Variants in GSTA2 observed in about 807,000 individuals in gnomAD.
GSTA2 encodes glutathione S-transferase A2.
In GSTA2, 27 loss-of-function variants were observed where a neutral mutation model predicts 22.4. The ratio of observed to expected loss-of-function variants is 1.21; its 90% CI spans 0.89 to 1.67. The LOEUF is 1.67. GSTA2 is among the 40% of genes most tolerant of loss of function. The pLI is 0.00. For missense variants in GSTA2, 302 were observed against 260.2 expected (o/e 1.16, Z -1.11); for synonymous variants, 121 against 86.8 (o/e 1.39, Z -2.19).
In GSTA2 at chr6:52,761,657, G is replaced by A. The variant is rs113606716; in HGVS notation, c.-31+1787C>T. ...GAATGTCCAAGCAGTGGGGCACATC[G>A]GTAACACAGCCTTGCTTAGCCCCAT... is the stretch of plus-strand genomic sequence containing the variant. On this transcript the variant is annotated intron_variant, in intron 1 of 6. Coordinates refer to ENST00000493422, the MANE Select transcript of GSTA2 (RefSeq NM_000846.5). 7.9e-3 allele frequency among the ~76,000 whole-genome samples: 1,182 copies of A among 150,544 alleles called. 26 individuals carry two copies. Among genetic ancestry groups the A allele is most frequent in the African/African-American group, 0.026 (1,095 of 41,466 alleles).
chr6:52,760,112 C>T (rs947664111), intron 1 of GSTA2, among the ~76,000 whole-genome samples: 6 of 152,070 alleles, frequency 3.9e-5, no homozygotes, highest in Admixed American at 2.6e-4. Context: ...ATGGAAATAG[C>T]ATAATTCGAC....
At chr6:52,752,532 A>G (rs1396489614) in intron 5 of GSTA2, among the ~76,000 whole-genome samples, 1 of 152,202 alleles carries the variant, frequency 6.6e-6, no homozygotes, top group Non-Finnish European at 1.5e-5. Flanking sequence ...ATGGGGTTCC[A>G]TAGACTGAAC....
chr6:52,753,559 C>T (rs961564482), intron 4 of GSTA2, among the ~76,000 whole-genome samples: 5 of 152,224 alleles, frequency 3.3e-5, no homozygotes, highest in African/African-American at 1.2e-4. Flanking sequence ...CCACAGCCCT[C>T]TCCATGTGCT....
intron 4 of GSTA2, among the ~76,000 whole-genome samples, chr6:52,754,474 G>T (rs1268949000): frequency 6.6e-6 from 1 of 152,142 alleles, no homozygotes; most frequent in Non-Finnish European, 1.5e-5. Context: ...TATTCCAGTT[G>T]ATATAATTGG....
intron 1 of GSTA2, among the ~76,000 whole-genome samples, chr6:52,760,710 A>G (rs1305056025): frequency 6.6e-6 from 1 of 152,188 alleles, no homozygotes; most frequent in Non-Finnish European, 1.5e-5. Flanking sequence ...TTCAATGTAT[A>G]TTAGCCAAAT....
At chr6:52,751,544 G>A in intron 6 of GSTA2, 33 bp downstream of exon 6, 1 of 1,613,466 alleles carries the variant, frequency 6.2e-7, no homozygotes, top group Non-Finnish European at 8.5e-7. Flanking sequence ...GGAGATGTGG[G>A]TCTGCCTCTC....
chr6:52,757,806 G>A, intron 2 of GSTA2, 55 bp downstream of exon 2: 2 of 1,416,666 alleles, frequency 1.4e-6, no homozygotes, highest in South Asian at 2.3e-5. Flanking sequence ...TGTGGGAAAA[G>A]TATGTGATAA....
chr6:52,753,211 C>A (rs888665771), intron 4 of GSTA2, among the ~76,000 whole-genome samples: 9 of 151,954 alleles, frequency 5.9e-5, no homozygotes, highest in African/African-American at 2.2e-4. Flanking sequence ...CTTAAAACAG[C>A]CTATCAAGGT....
At chr6:52,759,876 A>C (rs1395563350) in intron 1 of GSTA2, among the ~76,000 whole-genome samples, 1 of 152,004 alleles carries the variant, frequency 6.6e-6, no homozygotes. Context: ...GAGCCACTGC[A>C]CCCAACCTCA....
intron 1 of GSTA2, 28 bp from the exon 2 acceptor site, chr6:52,758,005 A>C: frequency 8.0e-7 from 1 of 1,249,686 alleles, no homozygotes; most frequent in Non-Finnish European, 1.2e-6. Context: ...TGAATGAATG[A>C]ATAATTGAAA....
At chr6:52,752,796 C>G in intron 5 of GSTA2, 58 bp downstream of exon 5, 1 of 1,605,106 alleles carries the variant, frequency 6.2e-7, no homozygotes, top group Non-Finnish European at 8.5e-7. Flanking sequence ...TGCCCAGCCA[C>G]TATTTTTCTA....
At chr6:52,761,383 G>A (rs58699750) in intron 1 of GSTA2, among the ~76,000 whole-genome samples, 13 of 151,800 alleles carry the variant, frequency 8.6e-5, no homozygotes, top group African/African-American at 9.7e-5. Context: ...TCTATCAATC[G>A]TTCTATGTAT....
At chr6:52,755,480 G>T (rs1488109401) in intron 3 of GSTA2, among the ~76,000 whole-genome samples, 1 of 151,942 alleles carries the variant, frequency 6.6e-6, no homozygotes, top group African/African-American at 2.4e-5. Context: ...TCCCAAATTG[G>T]GATTACAGGT....
chr6:52,760,629 C>T (rs968858560), intron 1 of GSTA2, among the ~76,000 whole-genome samples: 12 of 152,094 alleles, frequency 7.9e-5, no homozygotes, highest in Non-Finnish European at 1.2e-4. Context: ...ATTGCAGGTC[C>T]GGAGCTTTTC....
intron 6 of GSTA2, among the ~76,000 whole-genome samples, chr6:52,751,362 TC>T (rs1185129643): frequency 6.6e-6 from 1 of 152,108 alleles, no homozygotes; most frequent in Non-Finnish European, 1.5e-5. Context: ...GGCAAAATAC[TC>T]TTTGCGGGGT....
At chr6:52,758,707 T>A (rs1009063) in intron 1 of GSTA2, among the ~76,000 whole-genome samples, 113,877 of 152,198 alleles carry the variant, frequency 0.75, 43,971 homozygotes, top group African/African-American at 0.94. Context: ...AGAGATTGTT[T>A]ATCCCTTGCT....
intron 1 of GSTA2, 137 bp from the exon 2 acceptor site, chr6:52,758,114 C>A: frequency 1.7e-6 from 1 of 587,422 alleles, no homozygotes; most frequent in South Asian, 2.2e-5. Flanking sequence ...GAGGAGTTCC[C>A]GGAATGTTTT....
At chr6:52,760,645 C>T (rs1762936139) in intron 1 of GSTA2, among the ~76,000 whole-genome samples, 1 of 152,154 alleles carries the variant, frequency 6.6e-6, no homozygotes, top group Non-Finnish European at 1.5e-5. Context: ...TTTTCCACTC[C>T]ACCTCATAAC....
chr6:52,752,296 C>G (rs1762758975), intron 5 of GSTA2, among the ~76,000 whole-genome samples: 1 of 152,160 alleles, frequency 6.6e-6, no homozygotes, highest in African/African-American at 2.4e-5. Flanking sequence ...TTATAATCTG[C>G]AAGCTGAAGC....
Sources: allele counts gnomAD v4.1 joint callset (sites outside exome capture counted in the v4.1 genomes callset), GRCh38; gene constraint gnomAD v4.1.1; transcripts MANE v1.5; gene names NCBI Gene and HGNC (gene_info 2026-07-23, HGNC 2026-07-21).